The following RNF122 variants were observed in gnomAD, a reference collection of about 807,000 sequenced individuals.
The protein encoded by RNF122 is ring finger protein 122.
Under a neutral mutation model 24.2 loss-of-function variants are expected in RNF122, and 17 were observed. That is an observed-to-expected ratio of 0.70 (90% CI 0.48 to 1.06). The LOEUF is 1.06. Ranked by LOEUF, RNF122 falls within the 50% of genes least tolerant of loss-of-function variation. The pLI is 0.00. For missense variants in RNF122, 168 were observed against 198.1 expected, an observed-to-expected ratio of 0.85 and a Z score of 0.91; for synonymous variants, 65 against 71.8, an observed-to-expected ratio of 0.91 and a Z score of 0.48.
intron 1 of RNF122, 146 bp downstream of exon 1, chr8:33,566,553 G>C: frequency 1.3e-6 from 1 of 787,976 alleles, no homozygotes; most frequent in South Asian, 1.6e-5. Flanking sequence ...GAGCAGAGTG[G>C]GGCGCCAAGA....
intron 2 of RNF122, among the ~76,000 whole-genome samples, chr8:33,555,406 T>C (rs1810437254): frequency 6.6e-6 from 1 of 152,190 alleles, no homozygotes; most frequent in African/African-American, 2.4e-5. Context: ...TTTCACCATA[T>C]TGGTCAGGCC....
intron 1 of RNF122, among the ~76,000 whole-genome samples, chr8:33,562,002 T>G (rs1443363507): frequency 6.6e-6 from 1 of 152,126 alleles, no homozygotes; most frequent in Admixed American, 6.6e-5. Flanking sequence ...TGTACAATCT[T>G]GTCCTTGCCT....
intron 1 of RNF122, among the ~76,000 whole-genome samples, chr8:33,562,142 G>A (rs939804613): frequency 6.6e-6 from 1 of 151,948 alleles, no homozygotes; most frequent in Admixed American, 6.6e-5. Flanking sequence ...TCATTTGTTC[G>A]GCCCCTACTT....
chr8:33,561,579 G>A lies in RNF122; in HGVS notation c.26-2808C>T, dbSNP rs145910392. Among the ~76,000 whole-genome samples, 15 of 151,392 alleles carry A rather than the reference G, an allele frequency of 9.9e-5. No individual in the cohort carries two copies. In the East Asian group the frequency reaches 2.9e-3, roughly 29 times the overall value. ...TTTTTTTTAGACAGTCTTGCATTGT[G>A]TCACCCAGGCTAGAGTGCAGTGGCA... On this transcript the variant is annotated intron_variant, in intron 1 of 5. Transcript: ENST00000256257.
chr8:33,549,229 AAAG>A (rs1009792035), intron 5 of RNF122, among the ~76,000 whole-genome samples, 178 bp downstream of exon 5: 13 of 152,068 alleles, frequency 8.5e-5, no homozygotes, highest in East Asian at 1.9e-4. Context: ...CTCAAAAAAA[AAAG>A]AAGAATATCC....
intron 2 of RNF122, 31 bp from the exon 3 acceptor site, chr8:33,551,420 C>T: frequency 9.3e-6 from 15 of 1,612,666 alleles, no homozygotes; most frequent in Non-Finnish European, 1.3e-5. Flanking sequence ...TTAGAGAAAG[C>T]AGGTTAAATG....
chr8:33,548,211 C>A lies in RNF122; in HGVS notation c.*542G>T, dbSNP rs1810316354. ...TGTTTCCATAGGTCCCATGTAAACACTGACATTTTCCTTTATGTCCCTGCT... is the reference window on the plus strand; with the variant it reads ...TGTTTCCATAGGTCCCATGTAAACAATGACATTTTCCTTTATGTCCCTGCT... On this transcript the variant is annotated 3_prime_UTR_variant, in exon 6 of 6. Transcript: ENST00000256257. The A allele has an allele frequency of 6.5e-6, 1 of 152,676 alleles. No homozygotes were observed. Among genetic ancestry groups the A allele is most frequent in the Non-Finnish European group, 1.5e-5 (1 of 68,084 alleles). The allele number at this position is 152,676 out of a possible 1,614,324, so 9.5% of individuals were successfully genotyped here. A position where few individuals can be genotyped will look rare whatever the true frequency, so the allele number is the denominator to read the frequency against.
intron 2 of RNF122, among the ~76,000 whole-genome samples, chr8:33,557,211 T>C (rs1263275352): frequency 6.6e-6 from 1 of 152,166 alleles, no homozygotes; most frequent in Non-Finnish European, 1.5e-5. Flanking sequence ...TTCAATATTC[T>C]CCAATGTACA....
intron 1 of RNF122, among the ~76,000 whole-genome samples, chr8:33,564,148 T>C (rs529165546): frequency 6.6e-6 from 1 of 152,262 alleles, no homozygotes; most frequent in East Asian, 1.9e-4. Flanking sequence ...GGACAGAGAA[T>C]ACCAGCCCCA....
chr8:33,549,254 C>G (rs1012903474), intron 5 of RNF122, among the ~76,000 whole-genome samples, 156 bp downstream of exon 5: 1 of 152,196 alleles, frequency 6.6e-6, no homozygotes, highest in Middle Eastern at 3.4e-3. Context: ...TACCCCTGTC[C>G]CAACCTAATC....
At chr8:33,556,291 G>C (rs746176677) in intron 2 of RNF122, among the ~76,000 whole-genome samples, 22 of 151,070 alleles carry the variant, frequency 1.5e-4, no homozygotes, top group Non-Finnish European at 2.8e-4. Flanking sequence ...TTTTCTCTAA[G>C]TCATTTTTGT....
chr8:33,564,910 G>T (rs1383245718), intron 1 of RNF122, among the ~76,000 whole-genome samples: 2 of 152,126 alleles, frequency 1.3e-5, no homozygotes, highest in Non-Finnish European at 1.5e-5. Context: ...AAATAAAGCA[G>T]CAAGTCTAAA....
chr8:33,553,786 C>A (rs1220275386), intron 2 of RNF122, among the ~76,000 whole-genome samples: 1 of 152,140 alleles, frequency 6.6e-6, no homozygotes, highest in Non-Finnish European at 1.5e-5. Context: ...TAAGATCAGG[C>A]TGCCAGCCTC....
chr8:33,564,209 CT>C (rs1420659574), intron 1 of RNF122, among the ~76,000 whole-genome samples: 2 of 152,234 alleles, frequency 1.3e-5, no homozygotes, highest in African/African-American at 4.8e-5. Flanking sequence ...AGGGTTGCTT[CT>C]TCACAGGAGT....
In RNF122 at chr8:33,566,860, C is replaced by G; in HGVS notation, c.-137G>C. ...GCTGCAGCCGCCCTGCTGGAGAAGC[C>G]GAACTCCCTCCGGAGTGGGGGGCTT... On this transcript the variant is annotated 5_prime_UTR_variant, in exon 1 of 6. Coordinates refer to ENST00000256257, the MANE Select transcript of RNF122 (RefSeq NM_024787.3). 1 of 934,616 alleles carries G rather than the reference C, an allele frequency of 1.1e-6. No individual in the cohort carries two copies. The highest frequency in any genetic ancestry group is 1.5e-5 in the South Asian group (1 of 67,964). 57.9% of individuals were successfully genotyped at this position (934,616 alleles called of 1,614,324 possible). A position where few individuals can be genotyped will look rare whatever the true frequency, so the allele number is the denominator to read the frequency against.
intron 2 of RNF122, among the ~76,000 whole-genome samples, chr8:33,552,257 G>A (rs543056788): frequency 5.3e-5 from 8 of 152,036 alleles, no homozygotes; most frequent in Non-Finnish European, 1.0e-4. Context: ...AAAATGTGCC[G>A]GTGTGGTGGT....
chr8:33,552,256 C>T (rs905186601), intron 2 of RNF122, among the ~76,000 whole-genome samples: 2 of 151,776 alleles, frequency 1.3e-5, no homozygotes, highest in Admixed American at 6.6e-5. Flanking sequence ...CAAAATGTGC[C>T]GGTGTGGTGG....
At chr8:33,551,195 CT>C in intron 3 of RNF122, 110 bp from the exon 4 acceptor site, 1 of 1,473,518 alleles carries the variant, frequency 6.8e-7, no homozygotes, top group Admixed American at 1.7e-5. Context: ...GCAAGCCGGA[CT>C]TCAGACACTG....
At chr8:33,565,826 G>A (rs1810614227) in intron 1 of RNF122, among the ~76,000 whole-genome samples, 1 of 152,142 alleles carries the variant, frequency 6.6e-6, no homozygotes, top group Non-Finnish European at 1.5e-5. Context: ...GCCGGGCGCG[G>A]AGCTCTCTGC....
Sources: allele counts gnomAD v4.1 joint callset (sites outside exome capture counted in the v4.1 genomes callset), GRCh38; gene constraint gnomAD v4.1.1; transcripts MANE v1.5; gene names NCBI Gene and HGNC (gene_info 2026-07-23, HGNC 2026-07-21).